Variants in SLC8A1 observed in about 807,000 individuals in gnomAD.
SLC8A1 encodes solute carrier family 8 member A1, also known as sodium/calcium exchanger 1.
Under a neutral mutation model 68.3 loss-of-function variants are expected in SLC8A1, and 18 were observed. The observed-to-expected ratio is 0.26, with a 90% CI of 0.18 to 0.39. The LOEUF (loss-of-function observed/expected upper bound fraction) is 0.39, where lower values mean the gene tolerates loss of function less well. SLC8A1 is among the 10% of genes least tolerant of loss of function. The pLI is 1.00. For synonymous variants in SLC8A1, 475 were observed against 415.5 expected, an observed-to-expected ratio of 1.14 and a Z score of -1.74; for missense variants, 985 against 1,156.7, an observed-to-expected ratio of 0.85 and a Z score of 2.15.
intron 1 of SLC8A1, among the ~76,000 whole-genome samples, chr2:40,475,140 T>A (rs1283862009): frequency 2.0e-5 from 3 of 152,126 alleles, no homozygotes; most frequent in Admixed American, 6.5e-5. Flanking sequence ...TTTATTTATT[T>A]ATTTATTTTT....
chr2:40,507,295 T>C (rs939858026), intron 1 of SLC8A1, among the ~76,000 whole-genome samples: 6 of 152,022 alleles, frequency 3.9e-5, no homozygotes, highest in African/African-American at 1.2e-4. Flanking sequence ...GAAACATGAT[T>C]AATATGATAG....
At chr2:40,468,296 C>T (rs185268570) in intron 1 of SLC8A1, among the ~76,000 whole-genome samples, 244 of 152,154 alleles carry the variant, frequency 1.6e-3, no homozygotes, top group Non-Finnish European at 3.0e-3. Flanking sequence ...AAATAAGTGG[C>T]GTTTAGTGGT....
At chr2:40,313,106 C>T (rs1001263458) in intron 2 of SLC8A1, among the ~76,000 whole-genome samples, 6 of 151,998 alleles carry the variant, frequency 3.9e-5, no homozygotes, top group African/African-American at 1.4e-4. Context: ...GCTATTCCCT[C>T]TCCAAGTAAT....
chr2:40,390,751 T>G (rs1685000184), intron 2 of SLC8A1, among the ~76,000 whole-genome samples: 1 of 152,106 alleles, frequency 6.6e-6, no homozygotes, highest in South Asian at 2.1e-4. Flanking sequence ...CCAGCAACAT[T>G]TTAACATCAG....
At chr2:40,269,495 T>A (rs1423821314) in intron 2 of SLC8A1, among the ~76,000 whole-genome samples, 2 of 152,170 alleles carry the variant, frequency 1.3e-5, no homozygotes, top group African/African-American at 4.8e-5. Context: ...GGGCAGACAA[T>A]AAAACTGATC....
chr2:40,109,637 C>G (rs79559437), exon 8 of SLC8A1: 1 of 152,010 alleles, frequency 6.6e-6, no homozygotes, highest in African/African-American at 2.4e-5. Context: ...TCCCTATTGC[C>G]GGGAGGTAAT....
upstream of SLC8A1, among the ~76,000 whole-genome samples, chr2:40,455,572 C>T (rs953554715): frequency 2.0e-5 from 3 of 152,066 alleles, no homozygotes; most frequent in Non-Finnish European, 4.4e-5. Flanking sequence ...AGCCCCTAGC[C>T]TGGCCAGTGA....
chr2:40,141,474 G>A (rs961909156), intron 6 of SLC8A1, among the ~76,000 whole-genome samples: 3 of 152,182 alleles, frequency 2.0e-5, no homozygotes, highest in African/African-American at 2.4e-5. Context: ...TTGAGGCTTT[G>A]GATAAACTGC....
intron 2 of SLC8A1, among the ~76,000 whole-genome samples, chr2:40,347,347 C>G (rs903477326): frequency 2.6e-5 from 4 of 152,184 alleles, no homozygotes; most frequent in African/African-American, 9.7e-5. Context: ...AAGGCAGAAT[C>G]CCTTTGAGAA....
At chr2:40,269,355 T>G (rs1009426240) in intron 2 of SLC8A1, among the ~76,000 whole-genome samples, 4 of 152,166 alleles carry the variant, frequency 2.6e-5, no homozygotes, top group Non-Finnish European at 5.9e-5. Context: ...TTATTAGAAA[T>G]AAAACACCGT....
At chr2:40,495,768 T>C (rs1705655344) in intron 1 of SLC8A1, among the ~76,000 whole-genome samples, 1 of 152,038 alleles carries the variant, frequency 6.6e-6, no homozygotes, top group Non-Finnish European at 1.5e-5. Context: ...GGATTGGAAC[T>C]TGTAGCCAGG....
chr2:40,393,023 A>G (rs540531985), intron 2 of SLC8A1, among the ~76,000 whole-genome samples: 7 of 152,274 alleles, frequency 4.6e-5, no homozygotes, highest in East Asian at 1.9e-4. Context: ...TGTCAAATCA[A>G]TAGTGATACT....
chr2:40,121,591 G>A (rs903795035), intron 7 of SLC8A1, among the ~76,000 whole-genome samples: 2 of 152,072 alleles, frequency 1.3e-5, no homozygotes, highest in African/African-American at 4.8e-5. Context: ...TACCTAAATT[G>A]ATTGAATTGT....
At chr2:40,115,272 C>T in exon 8 of SLC8A1, 2 of 1,611,288 alleles carry the variant, frequency 1.2e-6, no homozygotes, top group Non-Finnish European at 1.7e-6. Context: ...TTTTATGTGG[C>T]AGTAGGCCTC....
intron 2 of SLC8A1, among the ~76,000 whole-genome samples, chr2:40,284,616 TA>T (rs2068017473): frequency 6.8e-6 from 1 of 147,490 alleles, no homozygotes; most frequent in African/African-American, 2.5e-5. Flanking sequence ...ATATATAAAT[TA>T]AATTGAAAGC....
intron 1 of SLC8A1, among the ~76,000 whole-genome samples, chr2:40,449,209 C>T (rs190366950): frequency 2.6e-5 from 4 of 151,478 alleles, no homozygotes; most frequent in Admixed American, 2.0e-4. Flanking sequence ...CATTAATGTC[C>T]CAAAATGCAC....
At chr2:40,399,292 T>C (rs777401472) in intron 2 of SLC8A1, among the ~76,000 whole-genome samples, 4 of 151,154 alleles carry the variant, frequency 2.6e-5, no homozygotes, top group Non-Finnish European at 5.9e-5. Flanking sequence ...CACTGTTTTG[T>C]GAGGGCCTCC....
intron 7 of SLC8A1, among the ~76,000 whole-genome samples, chr2:40,125,936 G>T (rs994623599): frequency 3.3e-5 from 5 of 152,082 alleles, no homozygotes; most frequent in African/African-American, 9.7e-5. Flanking sequence ...GTAATTTTCA[G>T]AGCACGTCCA....
chr2:40,393,749 G>A (rs963465658), intron 2 of SLC8A1, among the ~76,000 whole-genome samples: 5 of 152,022 alleles, frequency 3.3e-5, no homozygotes, highest in African/African-American at 9.7e-5. Context: ...TACTACAGTT[G>A]GAAAATTAGT....
Sources: allele counts gnomAD v4.1 joint callset (sites outside exome capture counted in the v4.1 genomes callset), GRCh38; gene constraint gnomAD v4.1.1; transcripts MANE v1.5; gene names NCBI Gene and HGNC (gene_info 2026-07-23, HGNC 2026-07-21).